DCDC1: variants seen among roughly 807,000 people sequenced by gnomAD.
DCDC1 encodes doublecortin domain containing 1, also known as doublecortin domain-containing protein 1.
Under a neutral mutation model 178.3 loss-of-function variants are expected in DCDC1, and 200 were observed. The ratio of observed to expected loss-of-function variants is 1.12; its 90% confidence interval spans 1.00 to 1.26. The LOEUF (loss-of-function observed/expected upper bound fraction) is 1.26. DCDC1 is among the 50% of genes most tolerant of loss of function. The probability of loss-of-function intolerance (pLI) is 0.00; values close to 1 mark genes in which losing one functional copy is unlikely to be tolerated. For missense variants in DCDC1, 1,983 were observed against 1,749.2 expected, an observed-to-expected ratio of 1.13 and a Z score of -2.38; for synonymous variants, 690 against 604.8, an observed-to-expected ratio of 1.14 and a Z score of -2.07.
At chr11:31,135,601 G>A (rs1379837577) in intron 10 of DCDC1, among the ~76,000 whole-genome samples, 1 of 151,978 alleles carries the variant, frequency 6.6e-6, no homozygotes, top group Admixed American at 6.5e-5. Context: ...CAGAGGCTAT[G>A]GAATATATTT....
chr11:30,954,719 C>A (rs1364761053), intron 20 of DCDC1, among the ~76,000 whole-genome samples: 2 of 152,166 alleles, frequency 1.3e-5, no homozygotes, highest in Non-Finnish European at 2.9e-5. Context: ...AATGAGAGTG[C>A]AGGAGCAGTG....
intron 37 of DCDC1, among the ~76,000 whole-genome samples, chr11:30,880,725 G>A (rs913492914): frequency 6.6e-6 from 1 of 151,972 alleles, no homozygotes; most frequent in Admixed American, 6.6e-5. Flanking sequence ...AATGACCAAC[G>A]AATAGACAAG....
intron 36 of DCDC1, among the ~76,000 whole-genome samples, chr11:30,888,118 G>GAAAA (rs879432091): frequency 7.5e-6 from 1 of 133,488 alleles, no homozygotes; most frequent in East Asian, 2.1e-4. Flanking sequence ...AAGAAAGAAA[G>GAAAA]AAAGAAAGAA....
chr11:31,216,338 T>A (rs775579745), intron 9 of DCDC1, among the ~76,000 whole-genome samples: 1 of 152,152 alleles, frequency 6.6e-6, no homozygotes, highest in Non-Finnish European at 1.5e-5. Context: ...ACAAAAACTT[T>A]GAGGTAAATT....
chr11:31,096,468 C>T (rs1197767997), intron 15 of DCDC1, among the ~76,000 whole-genome samples: 2 of 152,316 alleles, frequency 1.3e-5, no homozygotes, highest in East Asian at 3.9e-4. Flanking sequence ...CTTCTTTGTA[C>T]AGCACCTGCT....
At chr11:31,104,386 C>A (rs895626600) in intron 13 of DCDC1, among the ~76,000 whole-genome samples, 2 of 151,944 alleles carry the variant, frequency 1.3e-5, no homozygotes, top group Non-Finnish European at 2.9e-5. Context: ...AGTCTTGTTG[C>A]CAAAAATATT....
At chr11:31,255,004 T>A (rs1472118374) in intron 8 of DCDC1, among the ~76,000 whole-genome samples, 1 of 152,178 alleles carries the variant, frequency 6.6e-6, no homozygotes, top group Non-Finnish European at 1.5e-5. Context: ...GTGGATTTAT[T>A]CGCTCTGGAT....
intron 8 of DCDC1, chr11:31,263,041 C>G (rs750337662): frequency 1.7e-5 from 27 of 1,612,254 alleles, no homozygotes; most frequent in Non-Finnish European, 2.1e-5. Flanking sequence ...CTCTGGCATC[C>G]ATGAAGTATC....
At chr11:30,882,825 AT>A (rs1942807793) in intron 36 of DCDC1, 1 of 152,206 alleles carries the variant, frequency 6.6e-6, no homozygotes, top group South Asian at 2.1e-4. Flanking sequence ...TTTGAAAAAG[AT>A]TTACAGCAGG....
At chr11:31,154,540 C>T (rs535476252) in intron 9 of DCDC1, among the ~76,000 whole-genome samples, 100 of 152,254 alleles carry the variant, frequency 6.6e-4, no homozygotes, top group Middle Eastern at 3.4e-3. Context: ...AAAGTGGGCT[C>T]TTAGTATGTA....
intron 8 of DCDC1, among the ~76,000 whole-genome samples, chr11:31,246,151 C>G (rs2774410): frequency 0.093 from 14,081 of 151,978 alleles, 1,793 homozygotes; most frequent in African/African-American, 0.28. Flanking sequence ...TTGTTAATAG[C>G]ATTTCAAGAA....
chr11:31,341,436 T>TAGATAGATAGAC (rs1950543221), intron 1 of DCDC1, among the ~76,000 whole-genome samples: 2 of 121,454 alleles, frequency 1.6e-5, no homozygotes, highest in Admixed American at 1.7e-4. Context: ...GATAGATAGA[T>TAGATAGATAGAC]AGACATGTGT....
At chr11:31,166,067 C>T (rs2136192824) in intron 9 of DCDC1, among the ~76,000 whole-genome samples, 1 of 152,266 alleles carries the variant, frequency 6.6e-6, no homozygotes, top group African/African-American at 2.4e-5. Context: ...TTAGTATCTA[C>T]TGTATTGTGT....
At chr11:31,131,185 T>A in intron 10 of DCDC1, among the ~76,000 whole-genome samples, 1 of 15,410 alleles carries the variant, frequency 6.5e-5, no homozygotes, top group African/African-American at 3.6e-4. Flanking sequence ...CGAGACTCCG[T>A]CTCAAAAAAA....
chr11:30,959,593 C>A (rs1470067022), intron 20 of DCDC1, among the ~76,000 whole-genome samples: 1 of 152,126 alleles, frequency 6.6e-6, no homozygotes, highest in East Asian at 1.9e-4. Flanking sequence ...TTGGAGCTGA[C>A]CAGTCATTCC....
chr11:31,067,239 C>CAA (rs1956298620), intron 18 of DCDC1, among the ~76,000 whole-genome samples: 1 of 151,986 alleles, frequency 6.6e-6, no homozygotes, highest in African/African-American at 2.4e-5. Flanking sequence ...AACTCTTATA[C>CAA]TCACTAATGA....
intron 9 of DCDC1, among the ~76,000 whole-genome samples, chr11:31,148,915 C>A (rs1465425024): frequency 1.3e-5 from 2 of 151,926 alleles, no homozygotes; most frequent in Admixed American, 1.3e-4. Flanking sequence ...CCCCCCAAGT[C>A]CCCAAAATCC....
intron 17 of DCDC1, among the ~76,000 whole-genome samples, chr11:31,081,167 C>T (rs954602240): frequency 2.6e-5 from 4 of 152,050 alleles, no homozygotes; most frequent in Non-Finnish European, 4.4e-5. Context: ...TAAATAAAAA[C>T]GTGAATAAAG....
At chr11:31,024,615 T>C (rs1032954412) in intron 20 of DCDC1, among the ~76,000 whole-genome samples, 2 of 151,920 alleles carry the variant, frequency 1.3e-5, no homozygotes, top group African/African-American at 4.8e-5. Context: ...ATTATCTCCG[T>C]AGTCCTGGCA....
Sources: allele counts gnomAD v4.1 joint callset (sites outside exome capture counted in the v4.1 genomes callset), GRCh38; gene constraint gnomAD v4.1.1; transcripts MANE v1.5; gene names NCBI Gene and HGNC (gene_info 2026-07-23, HGNC 2026-07-21).